The following ZNF544 variants were observed in gnomAD, a reference collection of about 807,000 sequenced individuals.
ZNF544 encodes the protein zinc finger protein 544, also known as zinc finger protein AF020591.
A neutral mutation model predicts 13.5 loss-of-function variants in ZNF544; 10 were observed. The ratio of observed to expected loss-of-function variants is 0.74; its 90% CI spans 0.46 to 1.25. ZNF544 has a LOEUF of 1.25. ZNF544 is among the 50% of genes most tolerant of loss of function. The pLI is 0.00. For missense variants in ZNF544, 896 were observed against 845.6 expected (o/e 1.06, Z -0.74); for synonymous variants, 323 against 300.5 (o/e 1.07, Z -0.77).
At chr19:58,238,769 G>A (rs969305633) in intron 3 of ZNF544, among the ~76,000 whole-genome samples, 1 of 151,834 alleles carries the variant, frequency 6.6e-6, no homozygotes, top group African/African-American at 2.4e-5. Context: ...CCCATCTAAA[G>A]ATCCTCAACG....
intron 3 of ZNF544, among the ~76,000 whole-genome samples, chr19:58,238,128 C>T (rs1207903345): frequency 6.6e-6 from 1 of 152,184 alleles, no homozygotes; most frequent in Non-Finnish European, 1.5e-5. Flanking sequence ...GACGGGGTTT[C>T]ACCATGTTGG....
At chr19:58,267,134 T>G (rs2050018157), downstream of ZNF544, 1 of 152,316 alleles carries the variant, frequency 6.6e-6, no homozygotes, top group Admixed American at 6.5e-5. Context: ...CGATCTCGGC[T>G]CACTGCAACC....
intron 6 of ZNF544, among the ~76,000 whole-genome samples, chr19:58,255,405 C>T (rs573130495): frequency 1.3e-5 from 2 of 152,156 alleles, no homozygotes; most frequent in African/African-American, 4.8e-5. Flanking sequence ...TCTCAAACTC[C>T]TGACCTCAGG....
chr19:58,251,077 A>G (rs1440971133), intron 6 of ZNF544, among the ~76,000 whole-genome samples: 1 of 152,240 alleles, frequency 6.6e-6, no homozygotes. Context: ...GCTATAGAAT[A>G]GGAACTTCAG....
chr19:58,255,544 A>G (rs1484963343), intron 6 of ZNF544, among the ~76,000 whole-genome samples: 1 of 152,230 alleles, frequency 6.6e-6, no homozygotes, highest in East Asian at 1.9e-4. Flanking sequence ...CCGTCAACCT[A>G]TGGGATCCCC....
chr19:58,261,393 A>C lies in ZNF544; in HGVS notation c.787A>C (p.Thr263Pro), dbSNP rs1260667550. ...TTCCTCCCTTTGTTTTCATGGTAGA[A>C]CTTTTTCAGTGAAGAAAAGTGATGA... is the stretch of plus-strand genomic sequence containing the variant. ...YGSSLCFHGRTFSVKKSDDCK... is the reference protein window; with the variant it reads ...YGSSLCFHGRPFSVKKSDDCK... Residue 263 changes from threonine to proline, a missense_variant, in exon 7 of 7, where the codon ACT becomes CCT. Thr to Pro is a conservative substitution (Grantham distance 38). Transcript: ENST00000687789. 2.5e-6 allele frequency: 4 copies of C among 1,614,066 alleles called. No homozygotes were observed. In the South Asian group the frequency reaches 4.4e-5, roughly 18 times the overall value.
downstream of ZNF544, chr19:58,266,937 G>A (rs1409681579): frequency 1.3e-5 from 2 of 152,226 alleles, no homozygotes; most frequent in African/African-American, 4.8e-5. Context: ...GCCTGTCTGT[G>A]GAGCTTCCTG....
chr19:58,268,393 G>T (rs926234185), downstream of ZNF544, among the ~76,000 whole-genome samples: 1 of 152,212 alleles, frequency 6.6e-6, no homozygotes, highest in African/African-American at 2.4e-5. Flanking sequence ...AAGTAAGATT[G>T]TTCAATGTTA....
intron 3 of ZNF544, among the ~76,000 whole-genome samples, chr19:58,240,502 A>G (rs1164640451): frequency 1.3e-5 from 2 of 152,036 alleles, no homozygotes; most frequent in African/African-American, 2.4e-5. Context: ...CGTGATCTGC[A>G]CACCTCAGCC....
At chr19:58,276,374 T>G (rs2051222007) in exon 6 of ZNF544, 7 of 1,231,546 alleles carry the variant, frequency 5.7e-6, no homozygotes, top group Admixed American at 4.2e-5. Flanking sequence ...GAAGACAGAT[T>G]TAGTCTCCTG....
chr19:58,245,026 G>A lies in ZNF544; in HGVS notation c.33+970G>A, dbSNP rs141068296. On this transcript the variant is annotated intron_variant, in intron 4 of 6. Transcript: ENST00000687789. ...TGCAGTGGCACAATCTCAGCTCACT[G>A]CAACTCCGCCTCCTGGTTTCAAGCA... Among the ~76,000 whole-genome samples, 225 of 151,700 alleles carry A rather than the reference G, an allele frequency of 1.5e-3. 2 individuals carry two copies. The highest frequency in any genetic ancestry group is 0.01 in the Middle Eastern group (3 of 294).
chr19:58,229,062 C>G (rs1447371416), intron 1 of ZNF544, 116 bp downstream of exon 1: 1 of 152,560 alleles, frequency 6.6e-6, no homozygotes, highest in African/African-American at 2.4e-5. Context: ...GAGAAACGAG[C>G]AGGGCCTGCG....
chr19:58,230,881 G>T (rs1294808684), intron 3 of ZNF544, among the ~76,000 whole-genome samples: 1 of 152,204 alleles, frequency 6.6e-6, no homozygotes, highest in Non-Finnish European at 1.5e-5. Context: ...GCCTGCAGGA[G>T]TTTGTGTGCC....
chr19:58,261,171 T>A lies in ZNF544; in HGVS notation c.565T>A (p.Ser189Thr), dbSNP rs1186581449. 1.2e-6 allele frequency: 2 copies of A among 1,613,988 alleles called. No individual in the cohort carries two copies. The highest frequency in any genetic ancestry group is 1.7e-6 in the Non-Finnish European group (2 of 1,180,052). The change falls in exon 7 of 7, where the codon TCA becomes ACA. Residue 189 changes from serine to threonine, a missense_variant. Transcript: ENST00000687789. ...AAGTACAGGTTTCCCTAAGCCCAAC[T>A]CACAAGTTAAAGAGTTGAAACAAAA... ...PTSTGFPKPN[S>T]QVKELKQNSA...
intron 5 of ZNF544, among the ~76,000 whole-genome samples, chr19:58,272,872 C>CA (rs60087012): frequency 0.015 from 1,908 of 128,456 alleles, 78 homozygotes; most frequent in Admixed American, 0.085. Flanking sequence ...GTCTCCTTCT[C>CA]AAAAAAAAAA....
At chr19:58,259,875 T>G (rs1171227826) in intron 6 of ZNF544, 1 of 152,174 alleles carries the variant, frequency 6.6e-6, no homozygotes, top group Non-Finnish European at 1.5e-5. Context: ...ATAATGCCAC[T>G]TCACTTCAGC....
intron 5 of ZNF544, among the ~76,000 whole-genome samples, chr19:58,273,919 C>T (rs1272522656): frequency 6.6e-6 from 1 of 151,702 alleles, no homozygotes; most frequent in African/African-American, 2.4e-5. Context: ...CCTCAGCCTC[C>T]CGAGTAGCTG....
chr19:58,256,136 G>C (rs913566239), intron 6 of ZNF544, among the ~76,000 whole-genome samples: 1 of 152,156 alleles, frequency 6.6e-6, no homozygotes, highest in Non-Finnish European at 1.5e-5. Context: ...AAAAGAGAGA[G>C]AGAAAAGGAT....
chr19:58,248,975 A>T (rs1388156572), intron 6 of ZNF544, among the ~76,000 whole-genome samples: 1 of 152,220 alleles, frequency 6.6e-6, no homozygotes, highest in African/African-American at 2.4e-5. Context: ...ACAGAGGCTG[A>T]AGTGAAGTTA....
Sources: gnomAD v4.1 joint callset for allele counts (sites outside exome capture counted in the v4.1 genomes callset) on GRCh38, gnomAD v4.1.1 for gene constraint, MANE v1.5 for transcripts, NCBI Gene and HGNC (gene_info 2026-07-23, HGNC 2026-07-21) for gene names.